The following SCHIP1 variants were observed in gnomAD, a reference collection of about 807,000 sequenced individuals.
The protein encoded by SCHIP1 is schwannomin interacting protein 1.
Under a neutral mutation model 29.7 loss-of-function variants are expected in SCHIP1, and 8 were observed. The ratio of observed to expected loss-of-function variants is 0.27; its 90% CI spans 0.16 to 0.49. The LOEUF (loss-of-function observed/expected upper bound fraction) is 0.49. SCHIP1 is among the 20% of genes least tolerant of loss of function. The pLI, the probability that SCHIP1 is intolerant of heterozygous loss-of-function variation, is 0.99. For synonymous variants in SCHIP1, 76 were observed against 94.9 expected, an observed-to-expected ratio of 0.80 and a Z score of 1.16; for missense variants, 193 against 294.6, an observed-to-expected ratio of 0.66 and a Z score of 2.52.
At chr3:159,378,699 A>G in the SCHIP1 span, among the ~76,000 whole-genome samples, 2 of 152,214 alleles carry the variant, frequency 1.3e-5, no homozygotes, top group South Asian at 2.1e-4. Context: ...CAAGTAACTG[A>G]AAGCAACTCT....
chr3:159,347,689 G>T, the SCHIP1 span, among the ~76,000 whole-genome samples: 8 of 152,020 alleles, frequency 5.3e-5, no homozygotes, highest in African/African-American at 1.9e-4. Context: ...CAGGTTTTTT[G>T]GACCTCTAAT....
At chr3:159,828,383 A>ATATATATGTATATATG in the SCHIP1 span, among the ~76,000 whole-genome samples, 2 of 78,292 alleles carry the variant, frequency 2.6e-5, no homozygotes, top group African/African-American at 8.0e-5. Flanking sequence ...ATACATATAT[A>ATATATATGTATATATG]TATACATATA....
the SCHIP1 span, among the ~76,000 whole-genome samples, chr3:159,586,362 T>A: frequency 2.6e-5 from 4 of 152,136 alleles, no homozygotes; most frequent in Non-Finnish European, 5.9e-5. Context: ...GGACCCTTAT[T>A]TTCATATGCA....
At chr3:159,760,380 C>A in the SCHIP1 span, among the ~76,000 whole-genome samples, 1 of 152,196 alleles carries the variant, frequency 6.6e-6, no homozygotes. Flanking sequence ...AATTCATTCA[C>A]ATGCACCTTG....
chr3:159,748,664 G>C, the SCHIP1 span, among the ~76,000 whole-genome samples: 63 of 152,298 alleles, frequency 4.1e-4, 1 homozygote, highest in African/African-American at 1.4e-3. Context: ...ACTCACCAAA[G>C]TCATTTTATG....
chr3:159,689,939 G>A, the SCHIP1 span, among the ~76,000 whole-genome samples: 4 of 152,142 alleles, frequency 2.6e-5, no homozygotes, highest in African/African-American at 7.2e-5. Context: ...TGCATCCTGG[G>A]GATGAAGCCC....
chr3:159,757,626 G>T, the SCHIP1 span, among the ~76,000 whole-genome samples: 1 of 152,178 alleles, frequency 6.6e-6, no homozygotes, highest in Non-Finnish European at 1.5e-5. Context: ...AGGCACCTAA[G>T]TTACAGCCCA....
At chr3:159,500,787 C>A in the SCHIP1 span, among the ~76,000 whole-genome samples, 1 of 151,802 alleles carries the variant, frequency 6.6e-6, no homozygotes, top group Non-Finnish European at 1.5e-5. Flanking sequence ...ATTCTTGGTA[C>A]CCTTTTAGTA....
chr3:159,697,518 C>T, the SCHIP1 span, among the ~76,000 whole-genome samples: 5 of 152,158 alleles, frequency 3.3e-5, no homozygotes, highest in Non-Finnish European at 7.4e-5. Flanking sequence ...ACCTCTGCAT[C>T]TCCAGGGTCT....
chr3:159,626,141 TATCTAGATATATATATATATCTAG>T, the SCHIP1 span, among the ~76,000 whole-genome samples: 1 of 95,628 alleles, frequency 1.0e-5, no homozygotes, highest in African/African-American at 9.4e-5. Context: ...TAGATAGATA[TATCTAGATATATATATATATCTAG>T]ATATATCTAT....
the SCHIP1 span, among the ~76,000 whole-genome samples, chr3:159,300,493 T>G: frequency 7.2e-5 from 11 of 152,186 alleles, no homozygotes; most frequent in East Asian, 2.1e-3. Flanking sequence ...AGCGTGGTAT[T>G]GGTGAATTTT....
the SCHIP1 span, among the ~76,000 whole-genome samples, chr3:159,734,799 T>G: frequency 6.7e-6 from 1 of 150,018 alleles, no homozygotes; most frequent in Non-Finnish European, 1.5e-5. Flanking sequence ...TTTTTTTTTT[T>G]TTTTTTTTTT....
the SCHIP1 span, among the ~76,000 whole-genome samples, chr3:159,539,316 A>T: frequency 8.0e-5 from 7 of 87,890 alleles, 1 homozygote; most frequent in Non-Finnish European, 2.1e-4. Context: ...TCACACAAAG[A>T]TGCATGCAAG....
the SCHIP1 span, among the ~76,000 whole-genome samples, chr3:159,300,396 C>T: frequency 2.0e-5 from 3 of 151,946 alleles, no homozygotes; most frequent in Non-Finnish European, 4.4e-5. Flanking sequence ...TTAACCAACA[C>T]TTCAATAGGT....
chr3:159,289,255 ACCT>A, the SCHIP1 span, among the ~76,000 whole-genome samples: 1 of 152,172 alleles, frequency 6.6e-6, no homozygotes, highest in African/African-American at 2.4e-5. Context: ...CATTAATATT[ACCT>A]ACTTATTTCA....
At chr3:159,860,521 G>A (rs1023011142) in intron 1 of SCHIP1, among the ~76,000 whole-genome samples, 1 of 152,206 alleles carries the variant, frequency 6.6e-6, no homozygotes, top group Admixed American at 6.5e-5. Flanking sequence ...GATGCTAGAC[G>A]TGGTATCTGT....
the SCHIP1 span, among the ~76,000 whole-genome samples, chr3:159,557,244 T>C: frequency 7.9e-5 from 12 of 152,352 alleles, no homozygotes; most frequent in Admixed American, 2.0e-4. Context: ...ATTGTACTTA[T>C]GTAATCACTC....
chr3:159,652,920 A>G, the SCHIP1 span, among the ~76,000 whole-genome samples: 1 of 152,340 alleles, frequency 6.6e-6, no homozygotes, highest in East Asian at 1.9e-4. Context: ...ACAAAAAGAC[A>G]AAAATTGTGT....
At chr3:159,399,561 T>G in the SCHIP1 span, among the ~76,000 whole-genome samples, 2 of 152,156 alleles carry the variant, frequency 1.3e-5, no homozygotes, top group African/African-American at 4.8e-5. Context: ...CACCAGAATC[T>G]CCATGTGGGA....
Sources: gnomAD v4.1 joint callset for allele counts (sites outside exome capture counted in the v4.1 genomes callset) on GRCh38, gnomAD v4.1.1 for gene constraint, MANE v1.5 for transcripts, NCBI Gene and HGNC (gene_info 2026-07-23, HGNC 2026-07-21) for gene names.